The following AARS2 variants were observed in gnomAD, a reference collection of about 807,000 sequenced individuals.
AARS2 encodes the protein alanyl-tRNA synthetase 2, mitochondrial, also known as alanine--tRNA ligase, mitochondrial.
A neutral mutation model predicts 119.7 loss-of-function variants in AARS2; 78 were observed. That is an observed-to-expected ratio of 0.65 (90% CI 0.54 to 0.79). AARS2 has a LOEUF of 0.79. AARS2 is among the 30% of genes least tolerant of loss of function. The pLI, the probability that AARS2 is intolerant of heterozygous loss-of-function variation, is 0.00. For missense variants in AARS2, 1,157 were observed against 1,291.3 expected, an observed-to-expected ratio of 0.90 and a Z score of 1.59; for synonymous variants, 502 against 526.3, an observed-to-expected ratio of 0.95 and a Z score of 0.63.
Position 44,311,178 on chromosome 6 carries a change from G to C in AARS2, c.582-17C>G, listed in dbSNP as rs1786318292. 3 of 1,613,968 alleles carry C rather than the reference G, an allele frequency of 1.9e-6. No homozygotes were observed. Among genetic ancestry groups the C allele is most frequent in the Non-Finnish European group, 2.5e-6 (3 of 1,180,042 alleles). ...GCAGGCACCCTGGGGAGAAAAGCAG[G>C]TGAGTGGTGGGAGACAGACAGACCC... On this transcript the variant is annotated splice_polypyrimidine_tract_variant and intron_variant, in intron 3 of 21. Transcript: ENST00000244571.
chr6:44,301,500 TGA>T, intron 19 of AARS2, 36 bp from the exon 20 acceptor site: 1 of 1,584,802 alleles, frequency 6.3e-7, no homozygotes, highest in South Asian at 1.1e-5. Context: ...GGGGTCAGGC[TGA>T]GAGGCAGGTT....
In AARS2 at chr6:44,303,156, C is replaced by T. The variant is rs566667883; in HGVS notation, c.2165G>A (p.Arg722Gln). ...CACGGGCACCCCCACTGATACCACC[C>T]GCACAGGGTCTGGGTAAACCTGAGG... ...SLDEVYPDPV[R>Q]VVSVGVPVAH... The change falls in exon 16 of 22, where the codon CGG (arginine) becomes CAG (glutamine). Residue 722 changes from arginine to glutamine, a missense_variant. Physicochemically the swap from Arg to Gln is conservative, Grantham distance 43 (BLOSUM62 1). Transcript: ENST00000244571. The T allele has an allele frequency of 2.2e-5, 36 of 1,614,166 alleles. No individual in the cohort carries two copies. Among genetic ancestry groups the T allele is most frequent in the East Asian group, 1.6e-4 (7 of 44,882 alleles).
At position 44,300,460 on chromosome 6, in the gene AARS2, C is replaced by T. The variant is rs984059361; in HGVS notation, c.*87G>A. On this transcript the variant is annotated 3_prime_UTR_variant, in exon 22 of 22. Coordinates refer to ENST00000244571, the MANE Select transcript of AARS2 (RefSeq NM_020745.4). ...TGCTTGGCCTCCAGCCTCTAGTCCT[C>T]GCTTCAGCATGTGGGAAGGTTCTGC... 7.6e-6 allele frequency: 12 copies of T among 1,586,016 alleles called. No individual in the cohort carries two copies. Among genetic ancestry groups the T allele is most frequent in the African/African-American group, 6.7e-5 (5 of 74,482 alleles).
chr6:44,310,571 T>C, intron 4 of AARS2, 128 bp from the exon 5 acceptor site: 1 of 1,229,096 alleles, frequency 8.1e-7, no homozygotes, highest in East Asian at 2.4e-5. Flanking sequence ...AGACAATCAG[T>C]ATCTTCCCCT....
rs373584667 is a variant in AARS2 at position 44,300,576 on chromosome 6, C to T, written c.2929G>A (p.Ala977Thr). The T allele has an allele frequency of 7.4e-6, 12 of 1,613,944 alleles. No homozygotes were observed. Among genetic ancestry groups the T allele is most frequent in the Non-Finnish European group, 1.0e-5 (12 of 1,180,056 alleles). The change falls in exon 22 of 22, where the codon GCC becomes ACC. Residue 977 changes from alanine to threonine, a missense_variant. Ala to Thr is a moderately conservative substitution (Grantham distance 58). Transcript: ENST00000244571. ...TTDLEAALSI[A>T]QTYALSQL The stretch of plus-strand genomic sequence containing the variant: ...AGCTGGCTGAGGGCATAGGTTTGGG[C>T]TATACTGAGGGCAGCTTCCAGGTCA...
At position 44,300,568 on chromosome 6, in the gene AARS2, G is replaced by A. The variant is rs200778121; in HGVS notation, c.2937C>T (p.Thr979=). ...DLEAALSIAQ[T]YALSQL Reference sequence around the variant, plus strand: ...TGGGTCAGAGCTGGCTGAGGGCATAGGTTTGGGCTATACTGAGGGCAGCTT... The same window carrying A: ...TGGGTCAGAGCTGGCTGAGGGCATAAGTTTGGGCTATACTGAGGGCAGCTT... Residue 979 remains threonine (T), a synonymous_variant, in exon 22 of 22, where the codon ACC becomes ACT. Transcript: ENST00000244571. The A allele has an allele frequency of 1.9e-6, 3 of 1,613,986 alleles. No homozygotes were observed. The highest frequency in any genetic ancestry group is 1.6e-4 in the Middle Eastern group (1 of 6,084).
In AARS2 at chr6:44,304,403, T is replaced by G. The variant is rs199963253; in HGVS notation, c.1866+17A>C. The stretch of plus-strand genomic sequence containing the variant: ...AGGGGCTGCAGGGTATTGGGAACAG[T>G]TAGGGAGGATCCTTACCTCATCCAC... On this transcript the variant is annotated intron_variant, in intron 13 of 21. Transcript: ENST00000244571. 3 of 1,613,946 alleles carry G rather than the reference T, an allele frequency of 1.9e-6. No individual in the cohort carries two copies. The highest frequency in any genetic ancestry group is 2.2e-5 in the East Asian group (1 of 44,880).
rs1238971490 is a variant in AARS2 at position 44,307,627 on chromosome 6, C to T, written c.895-233G>A. 1 of 601,224 alleles carries T rather than the reference C, an allele frequency of 1.7e-6. No individual in the cohort carries two copies. The highest frequency in any genetic ancestry group is 1.9e-5 in the African/African-American group (1 of 53,958). The allele number at this position is 601,224 out of a possible 1,614,324, so 37.2% of individuals were successfully genotyped here. A position where few individuals can be genotyped will look rare whatever the true frequency, so the allele number is the denominator to read the frequency against. ...ATATCTGTGACCATTTACTGAATTT[C>T]TACTATCAGAACTGGGTGAGTACTT... On this transcript the variant is annotated intron_variant, in intron 5 of 21. Coordinates refer to ENST00000244571, the MANE Select transcript of AARS2 (RefSeq NM_020745.4). The surrounding 1 kb of genome is among the most constrained non-coding windows in gnomAD (Gnocchi z 4.4).
intron 14 of AARS2, among the ~76,000 whole-genome samples, chr6:44,303,706 A>G (rs1280292595): frequency 6.6e-6 from 1 of 152,250 alleles, no homozygotes; most frequent in African/African-American, 2.4e-5. Flanking sequence ...TACAAGGGGT[A>G]GCCCAATGGA....
chr6:44,313,056 C>T (rs1363949808), intron 1 of AARS2, 25 bp downstream of exon 1: 1 of 1,612,342 alleles, frequency 6.2e-7, no homozygotes, highest in Non-Finnish European at 8.5e-7. Flanking sequence ...AACTCCGCTC[C>T]CTATCAGTAT....
rs757507712 is a variant in AARS2, at chr6:44,311,164, G to C, written c.582-3C>G. 1 of 1,613,938 alleles carries C rather than the reference G, an allele frequency of 6.2e-7. No homozygotes were observed. ...AAAGCACACGGCTAGCAGGCACCCT[G>C]GGGAGAAAAGCAGGTGAGTGGTGGG... On this transcript the variant is annotated splice_polypyrimidine_tract_variant and splice_region_variant and intron_variant, in intron 3 of 21. Coordinates refer to ENST00000244571, the MANE Select transcript of AARS2 (RefSeq NM_020745.4).
intron 5 of AARS2, among the ~76,000 whole-genome samples, chr6:44,309,191 GA>G (rs1786138330): frequency 6.6e-6 from 1 of 152,168 alleles, no homozygotes; most frequent in Non-Finnish European, 1.5e-5. Flanking sequence ...GAACCTTGCT[GA>G]GCTGTGATGT....
At chr6:44,302,343 G>A (rs557161014) in intron 18 of AARS2, 48 bp downstream of exon 18, 2 of 1,613,808 alleles carry the variant, frequency 1.2e-6, no homozygotes, top group East Asian at 2.2e-5. Flanking sequence ...GAGGAATAGG[G>A]GAGGTAATAG....
Position 44,300,697 on chromosome 6 carries a change from G to A in AARS2, c.2808C>T (p.Thr936=). 1 of 1,613,038 alleles carries A rather than the reference G, an allele frequency of 6.2e-7. No homozygotes were observed. Among genetic ancestry groups the A allele is most frequent in the Non-Finnish European group, 8.5e-7 (1 of 1,180,022 alleles). ...ACQVAQGAMP[T]FTAEAWALAV... is the part of the protein sequence containing the mutation. ...CCAGTGCCCAGGCCTCTGCTGTGAA[G>A]GTGGGCATGGCACCCTAGGAACAGA... Residue 936 remains threonine, a synonymous_variant, in exon 22 of 22, where the codon ACC becomes ACT. Transcript: ENST00000244571.
intron 5 of AARS2, among the ~76,000 whole-genome samples, chr6:44,309,357 G>A (rs1230779810): frequency 6.6e-6 from 1 of 152,204 alleles, no homozygotes; most frequent in African/African-American, 2.4e-5. Context: ...CAAAGAATGA[G>A]CCAGCTAAGC....
Position 44,306,349 on chromosome 6 carries a change from A to G in AARS2, c.1231T>C (p.Ser411Pro), listed in dbSNP as rs760045437. Reference protein sequence around the residue: ...VSEDEAAFLASLERGRRIIDR... With the variant: ...VSEDEAAFLAPLERGRRIIDR... Reference sequence around the variant, plus strand: ...ATGATCCGCCTACCCCGCTCCAGGGAGGCCAGGAAGGCTGCCTCGTCCTCT... The same window carrying G: ...ATGATCCGCCTACCCCGCTCCAGGGGGGCCAGGAAGGCTGCCTCGTCCTCT... The change falls in exon 9 of 22, where the codon TCC becomes CCC. Residue 411 changes from serine (S) to proline (P), a missense_variant. Coordinates refer to ENST00000244571, the MANE Select transcript of AARS2 (RefSeq NM_020745.4). 22 of 1,614,060 alleles carry G rather than the reference A, an allele frequency of 1.4e-5. No individual in the cohort carries two copies. The highest frequency in any genetic ancestry group is 1.6e-5 in the Non-Finnish European group (19 of 1,180,026).
At chr6:44,306,619 G>T in intron 7 of AARS2, 87 bp from the exon 8 acceptor site, 1 of 1,462,428 alleles carries the variant, frequency 6.8e-7, no homozygotes, top group Non-Finnish European at 9.6e-7. Context: ...GAGGACACCT[G>T]CCCTGGAGGC....
At position 44,304,446 on chromosome 6, in the gene AARS2, C is replaced by G; in HGVS notation, c.1840G>C (p.Asp614His). The G allele has an allele frequency of 6.2e-7, 1 of 1,614,164 alleles. No individual in the cohort carries two copies. Among genetic ancestry groups the G allele is most frequent in the Non-Finnish European group, 8.5e-7 (1 of 1,180,010 alleles). Residue 614 changes from aspartate (D) to histidine (H), a missense_variant, in exon 13 of 22, where the codon GAC (aspartate) becomes CAC (histidine). Physicochemically the swap from Asp to His is moderately conservative, Grantham distance 81 (BLOSUM62 -1). Coordinates refer to ENST00000244571, the MANE Select transcript of AARS2 (RefSeq NM_020745.4). ...AVAPECLRLG[D>H]QVQLHVDEAW... ...TCATCCACATGCAGCTGCACCTGGT[C>G]CCCTAACCGCAGGCACTCAGGGGCT...
rs1391408632 is a variant in AARS2 at position 44,303,227 on chromosome 6, C to G, written c.2146-52G>C. On this transcript the variant is annotated intron_variant, in intron 15 of 21. Coordinates refer to ENST00000244571, the MANE Select transcript of AARS2 (RefSeq NM_020745.4). ...TAACTGCCAAAGGAGAAGGATAAAG[C>G]CTCCAGGTATGCCTGAAGGAGGCCC... 1.9e-6 allele frequency: 3 copies of G among 1,614,052 alleles called. No individual in the cohort carries two copies. The Admixed American group carries it at 5.0e-5, about 27-fold the overall frequency.
Sources: gnomAD v4.1 joint callset for allele counts (sites outside exome capture counted in the v4.1 genomes callset) on GRCh38, gnomAD v4.1.1 for gene constraint, Gnocchi (gnomAD v3.1) non-coding constraint, MANE v1.5 for transcripts, NCBI Gene and HGNC (gene_info 2026-07-23, HGNC 2026-07-21) for gene names.